Variants in TLL2 observed in about 807,000 individuals in gnomAD.
The protein encoded by TLL2 is tolloid-like protein 2.
A neutral mutation model predicts 123.0 loss-of-function variants in TLL2; 106 were observed. That is an observed-to-expected ratio of 0.86 (90% CI 0.74 to 1.01). The LOEUF is 1.01. Ranked by LOEUF, TLL2 falls within the 50% of genes least tolerant of loss-of-function variation. TLL2 has a pLI of 0.00. For missense variants in TLL2, 1,332 were observed against 1,336.7 expected, an observed-to-expected ratio of 1.00 and a Z score of 0.06; for synonymous variants, 494 against 516.8, an observed-to-expected ratio of 0.96 and a Z score of 0.60.
intron 6 of TLL2, among the ~76,000 whole-genome samples, chr10:96,421,660 T>C (rs1270996915): frequency 5.8e-5 from 7 of 120,134 alleles, no homozygotes; most frequent in Non-Finnish European, 1.2e-4. Flanking sequence ...CAAGACTCTG[T>C]CTCAAAAAAA....
chr10:96,439,308 C>T (rs1017804928), intron 3 of TLL2, among the ~76,000 whole-genome samples: 1 of 150,660 alleles, frequency 6.6e-6, no homozygotes, highest in African/African-American at 2.4e-5. Context: ...ACTATGTTGG[C>T]CAGGCTGGTT....
At chr10:96,390,814 G>T (rs775162585) in intron 13 of TLL2, among the ~76,000 whole-genome samples, 4 of 152,350 alleles carry the variant, frequency 2.6e-5, no homozygotes, top group Middle Eastern at 3.4e-3. Context: ...GCCACATGTG[G>T]CTACTGAGCA....
chr10:96,477,956 G>A (rs1847276445), intron 2 of TLL2, among the ~76,000 whole-genome samples: 1 of 152,234 alleles, frequency 6.6e-6, no homozygotes, highest in African/African-American at 2.4e-5. Context: ...TCTAAATCCA[G>A]GCAGGATGTA....
chr10:96,395,671 T>C (rs773463186), intron 12 of TLL2, among the ~76,000 whole-genome samples: 3 of 152,196 alleles, frequency 2.0e-5, no homozygotes, highest in Admixed American at 6.5e-5. Flanking sequence ...CAACCTCTCT[T>C]ACTGCCCTCA....
intron 19 of TLL2, among the ~76,000 whole-genome samples, chr10:96,370,717 G>T (rs1420471168): frequency 6.6e-6 from 1 of 152,154 alleles, no homozygotes; most frequent in Non-Finnish European, 1.5e-5. Flanking sequence ...GCTCCCACTC[G>T]CCCCACCGAC....
intron 10 of TLL2, among the ~76,000 whole-genome samples, chr10:96,402,488 C>G (rs1846405977): frequency 6.6e-6 from 1 of 152,224 alleles, no homozygotes; most frequent in South Asian, 2.1e-4. Flanking sequence ...GGAATCCAGC[C>G]CTCTGTCTTT....
At chr10:96,447,247 G>A (rs550516441) in intron 2 of TLL2, among the ~76,000 whole-genome samples, 53 of 152,376 alleles carry the variant, frequency 3.5e-4, no homozygotes, top group Non-Finnish European at 5.4e-4. Flanking sequence ...GCCAGAGAGG[G>A]AGGCAGGCCC....
intron 2 of TLL2, among the ~76,000 whole-genome samples, chr10:96,451,376 A>G (rs1846957314): frequency 6.6e-6 from 1 of 152,200 alleles, no homozygotes; most frequent in Admixed American, 6.5e-5. Context: ...ACCATAATTA[A>G]TGAAATATTA....
chr10:96,429,092 G>A (rs1010642937), intron 4 of TLL2, among the ~76,000 whole-genome samples: 2 of 151,966 alleles, frequency 1.3e-5, no homozygotes, highest in African/African-American at 2.4e-5. Flanking sequence ...CATGAGCCAC[G>A]GCACCCAGCC....
At chr10:96,390,855 T>G (rs1846280750) in intron 13 of TLL2, among the ~76,000 whole-genome samples, 1 of 152,240 alleles carries the variant, frequency 6.6e-6, no homozygotes, top group Non-Finnish European at 1.5e-5. Context: ...AGTGGCGATG[T>G]GCCATGAGTA....
intron 1 of TLL2, among the ~76,000 whole-genome samples, chr10:96,487,595 T>C (rs1017995664): frequency 9.2e-5 from 14 of 152,192 alleles, no homozygotes; most frequent in Non-Finnish European, 2.9e-5. Flanking sequence ...GAGGAGATCA[T>C]GTTCTCTGTA....
intron 10 of TLL2, among the ~76,000 whole-genome samples, chr10:96,401,192 A>G (rs1309381682): frequency 1.3e-5 from 2 of 152,202 alleles, no homozygotes; most frequent in African/African-American, 2.4e-5. Flanking sequence ...ATAAAAAGTT[A>G]TGCGTCCATT....
chr10:96,460,956 T>C (rs1336766389), intron 2 of TLL2, among the ~76,000 whole-genome samples: 1 of 152,156 alleles, frequency 6.6e-6, no homozygotes, highest in Admixed American at 6.5e-5. Flanking sequence ...CTTCCCAGCC[T>C]CCAGAACTGT....
At chr10:96,394,178 G>A (rs1186453558) in intron 13 of TLL2, among the ~76,000 whole-genome samples, 3 of 152,190 alleles carry the variant, frequency 2.0e-5, no homozygotes, top group African/African-American at 4.8e-5. Flanking sequence ...TCCTAGGAGA[G>A]GAGGGAAGAG....
intron 2 of TLL2, among the ~76,000 whole-genome samples, chr10:96,473,596 A>G (rs1847205722): frequency 6.6e-6 from 1 of 152,206 alleles, no homozygotes; most frequent in African/African-American, 2.4e-5. Flanking sequence ...GCAGGAGTTT[A>G]GGAAGTGAGG....
chr10:96,472,968 T>C (rs770648251), intron 2 of TLL2, among the ~76,000 whole-genome samples: 10 of 152,106 alleles, frequency 6.6e-5, no homozygotes, highest in Non-Finnish European at 1.3e-4. Context: ...TTGGTTCCCC[T>C]CTTTTCTTTA....
At chr10:96,454,491 T>C (rs185637493) in intron 2 of TLL2, among the ~76,000 whole-genome samples, 42 of 152,336 alleles carry the variant, frequency 2.8e-4, no homozygotes, top group Non-Finnish European at 5.9e-4. Context: ...TCTCTGGTTG[T>C]TGGATGAGTG....
In TLL2 at chr10:96,368,211, T is replaced by G. The variant is rs184714916; in HGVS notation, c.2925A>C (p.Glu975Asp). Residue 975 changes from glutamate (E) to aspartate (D), a missense_variant, in exon 21 of 21, where the codon GAA becomes GAC. Transcript: ENST00000357947. ...GRFCGSGPLE[E>D]IYSAGDSLMI... ...TCAGGGAATCACCTGCAGAGTAGAT[T>G]TCTTCTAATGGCTGAGGAAAGGAGA... 112 of 1,614,094 alleles carry G rather than the reference T, an allele frequency of 6.9e-5. No homozygotes were observed. In the East Asian group the frequency reaches 2.4e-3, roughly 35 times the overall value.
rs1847328114 is a variant in TLL2, at chr10:96,483,254, TAAG to T, written c.176-2798_176-2796del. On this transcript the variant is annotated intron_variant, in intron 1 of 20. Transcript: ENST00000357947. ...CTCTGATGCCCTCTCCAGATGTGGCTAAGAATAAGGGAAAAGGAAGGGCAGGAC... is the reference window on the plus strand; with the variant it reads ...CTCTGATGCCCTCTCCAGATGTGGCTAATAAGGGAAAAGGAAGGGCAGGAC... Among the ~76,000 whole-genome samples the T allele has an allele frequency of 2.0e-5, 3 of 152,262 alleles. No individual in the cohort carries two copies. The South Asian group carries it at 6.2e-4, about 32-fold the overall frequency.
Sources: allele counts gnomAD v4.1 joint callset (sites outside exome capture counted in the v4.1 genomes callset), GRCh38; gene constraint gnomAD v4.1.1; transcripts MANE v1.5; gene names NCBI Gene and HGNC (gene_info 2026-07-23, HGNC 2026-07-21).